CNTNAP4: variants seen among roughly 807,000 people sequenced by gnomAD.
The protein encoded by CNTNAP4 is contactin-associated protein-like 4.
CNTNAP4 carries 98 observed loss-of-function variants against 148.4 expected under a neutral mutation model. That is an observed-to-expected ratio of 0.66 (90% CI 0.56 to 0.78). The LOEUF is 0.78. Among genes scored for constraint, CNTNAP4 ranks in the 30% least tolerant of loss-of-function variants. The pLI is 0.00. For synonymous variants in CNTNAP4, 730 were observed against 565.1 expected (o/e 1.29, Z -4.14); for missense variants, 1,935 against 1,565.6 (o/e 1.24, Z -3.98).
chr16:76,303,857 A>C (rs1960222528), intron 1 of CNTNAP4, among the ~76,000 whole-genome samples: 1 of 152,174 alleles, frequency 6.6e-6, no homozygotes, highest in African/African-American at 2.4e-5. Context: ...AATTCAGTAA[A>C]ATCCCCTTTT....
intron 2 of CNTNAP4, among the ~76,000 whole-genome samples, chr16:76,329,890 G>C (rs1437435842): frequency 6.6e-6 from 1 of 152,164 alleles, no homozygotes; most frequent in Admixed American, 6.5e-5. Flanking sequence ...GTGCCAGAAA[G>C]AGAACGTTTA....
intron 4 of CNTNAP4, among the ~76,000 whole-genome samples, chr16:76,443,360 T>G (rs999206099): frequency 2.0e-5 from 3 of 152,194 alleles, no homozygotes; most frequent in African/African-American, 7.2e-5. Context: ...TTTATACAAT[T>G]CAACTATGTA....
intron 2 of CNTNAP4, among the ~76,000 whole-genome samples, chr16:76,345,932 CCTT>C (rs1200681126): frequency 6.6e-6 from 1 of 152,060 alleles, no homozygotes; most frequent in Admixed American, 6.6e-5. Flanking sequence ...TAATAATGTC[CCTT>C]CTTGCCTGTG....
intron 3 of CNTNAP4, among the ~76,000 whole-genome samples, chr16:76,386,004 C>T (rs2016482277): frequency 6.6e-6 from 1 of 152,074 alleles, no homozygotes; most frequent in African/African-American, 2.4e-5. Context: ...CACTTGTTTA[C>T]AGTATTGTAG....
chr16:76,307,999 A>G (rs889546561), intron 1 of CNTNAP4, among the ~76,000 whole-genome samples: 11 of 152,240 alleles, frequency 7.2e-5, no homozygotes, highest in Non-Finnish European at 1.5e-4. Flanking sequence ...TATAAGAGAA[A>G]ATGCATAGAA....
At chr16:76,443,125 T>G (rs1029589455) in intron 4 of CNTNAP4, among the ~76,000 whole-genome samples, 1 of 151,996 alleles carries the variant, frequency 6.6e-6, no homozygotes, top group African/African-American at 2.4e-5. Context: ...AAATATAGAA[T>G]GTAAAATATG....
At chr16:76,482,318 G>A (rs1290427410) in intron 12 of CNTNAP4, among the ~76,000 whole-genome samples, 1 of 151,926 alleles carries the variant, frequency 6.6e-6, no homozygotes, top group Non-Finnish European at 1.5e-5. Context: ...AAAACAAAAA[G>A]CCAAAAATAA....
At chr16:76,460,074 TTTTA>T (rs369902683) in intron 8 of CNTNAP4, among the ~76,000 whole-genome samples, 51 of 152,180 alleles carry the variant, frequency 3.4e-4, no homozygotes, top group African/African-American at 9.4e-4. Context: ...TAAAAAAACT[TTTTA>T]TTTGTTTCTT....
At chr16:76,350,798 A>G (rs1348187330) in intron 2 of CNTNAP4, among the ~76,000 whole-genome samples, 7 of 152,218 alleles carry the variant, frequency 4.6e-5, no homozygotes. Context: ...GTGAATGGGG[A>G]GAACTTTTAT....
intron 1 of CNTNAP4, among the ~76,000 whole-genome samples, chr16:76,303,818 G>A (rs760893447): frequency 5.3e-5 from 8 of 152,098 alleles, no homozygotes; most frequent in Non-Finnish European, 7.4e-5. Flanking sequence ...ACAATGCATC[G>A]TAAGAACAGT....
At chr16:76,321,261 C>G (rs1962376160) in intron 2 of CNTNAP4, among the ~76,000 whole-genome samples, 1 of 152,196 alleles carries the variant, frequency 6.6e-6, no homozygotes, top group Non-Finnish European at 1.5e-5. Context: ...AACTCCCATT[C>G]TTGGATGGAT....
At chr16:76,494,473 G>C (rs1372988670) in intron 13 of CNTNAP4, among the ~76,000 whole-genome samples, 1 of 152,024 alleles carries the variant, frequency 6.6e-6, no homozygotes, top group East Asian at 1.9e-4. Flanking sequence ...ATAAATCAGG[G>C]ACTTTACATA....
intron 15 of CNTNAP4, 73 bp downstream of exon 15, chr16:76,498,767 C>G: frequency 7.2e-7 from 1 of 1,397,738 alleles, no homozygotes; most frequent in Non-Finnish European, 9.6e-7. Flanking sequence ...ACTTAAGCAT[C>G]ACGTTTCTAT....
At chr16:76,540,212 A>G (rs191884101) in intron 20 of CNTNAP4, among the ~76,000 whole-genome samples, 57 of 152,232 alleles carry the variant, frequency 3.7e-4, no homozygotes, top group African/African-American at 1.3e-3. Flanking sequence ...AATTTTTGTT[A>G]ATGATATGAG....
chr16:76,465,950 A>T (rs552763714), intron 9 of CNTNAP4, among the ~76,000 whole-genome samples: 1 of 152,366 alleles, frequency 6.6e-6, no homozygotes, highest in South Asian at 2.1e-4. Flanking sequence ...AAATATTATC[A>T]GTCAAACAAT....
chr16:76,547,054 T>G (rs2084769134), intron 21 of CNTNAP4, among the ~76,000 whole-genome samples: 1 of 152,192 alleles, frequency 6.6e-6, no homozygotes, highest in Non-Finnish European at 1.5e-5. Context: ...AAAAGGCAGA[T>G]AGTCTGATGT....
At chr16:76,353,318 T>C (rs1284302166) in intron 2 of CNTNAP4, among the ~76,000 whole-genome samples, 4 of 152,192 alleles carry the variant, frequency 2.6e-5, no homozygotes, top group African/African-American at 9.6e-5. Flanking sequence ...TGTGATGCCA[T>C]CAAGAGAGGA....
At chr16:76,376,809 G>T (rs150001290) in intron 3 of CNTNAP4, among the ~76,000 whole-genome samples, 1 of 152,146 alleles carries the variant, frequency 6.6e-6, no homozygotes, top group Non-Finnish European at 1.5e-5. Context: ...GTACCATGGA[G>T]TCAGAACCAT....
At chr16:76,470,659 AAAAC>A (rs902067288) in intron 10 of CNTNAP4, among the ~76,000 whole-genome samples, 2 of 151,470 alleles carry the variant, frequency 1.3e-5, no homozygotes, top group Non-Finnish European at 2.9e-5. Flanking sequence ...TCGAAAAACA[AAAAC>A]AAACAAACAA....
Sources: gnomAD v4.1 joint callset for allele counts (sites outside exome capture counted in the v4.1 genomes callset) on GRCh38, gnomAD v4.1.1 for gene constraint, MANE v1.5 for transcripts, NCBI Gene and HGNC (gene_info 2026-07-23, HGNC 2026-07-21) for gene names.